PCDH15: variants seen among roughly 807,000 people sequenced by gnomAD.
The protein encoded by PCDH15 is protocadherin related 15.
In PCDH15, 129 loss-of-function variants were observed where a neutral mutation model predicts 178.5. The ratio of observed to expected loss-of-function variants is 0.72; its 90% CI spans 0.63 to 0.84. The LOEUF is 0.84. PCDH15 is among the 40% of genes least tolerant of loss of function. PCDH15 has a pLI of 0.00. For synonymous variants in PCDH15, 800 were observed against 732.0 expected (o/e 1.09, Z -1.50); for missense variants, 2,230 against 2,099.9 (o/e 1.06, Z -1.21).
In PCDH15 at chr10:55,415,072, G is replaced by A. The variant is rs868609598; in HGVS notation, c.-156+212553C>T. Among the ~76,000 whole-genome samples, 4 of 151,614 alleles carry A rather than the reference G, an allele frequency of 2.6e-5. No homozygotes were observed. In the Middle Eastern group the frequency reaches 0.01, roughly 387 times the overall value. On this transcript the variant is annotated intron_variant, in intron 2 of 5. Coordinates refer to the PCDH15 transcript ENST00000613346. ...GATGTTTATAAATGGCCTTTATTAA[G>A]GTGAGGGAGTTTCCTTTTGTGCCTA... is the stretch of plus-strand genomic sequence containing the variant.
chr10:54,553,700 A>G (rs1245354406), intron 2 of PCDH15, among the ~76,000 whole-genome samples: 3 of 152,128 alleles, frequency 2.0e-5, no homozygotes, highest in Non-Finnish European at 2.9e-5. Context: ...ACCTTAGGCA[A>G]ATGTTTCTTA....
intron 18 of PCDH15, among the ~76,000 whole-genome samples, chr10:54,027,353 T>C (rs1235224216): frequency 1.3e-5 from 2 of 151,818 alleles, no homozygotes; most frequent in Non-Finnish European, 2.9e-5. Flanking sequence ...ATCGTGAAAA[T>C]GGCCATACTG....
intron 2 of PCDH15, among the ~76,000 whole-genome samples, chr10:55,623,022 C>T (rs1177788238): frequency 5.9e-5 from 9 of 152,124 alleles, no homozygotes; most frequent in Admixed American, 1.3e-4. Flanking sequence ...CTGGATTCCG[C>T]CTCCTGTTTT....
At position 54,624,500 on chromosome 10, in the gene PCDH15, C is replaced by T. The variant is rs191559035; in HGVS notation, c.91+39672G>A. 4.1e-3 allele frequency among the ~76,000 whole-genome samples: 622 copies of T among 152,260 alleles called. 2 individuals are homozygous for T. The highest frequency in any genetic ancestry group is 0.014 in the African/African-American group (600 of 41,554). On this transcript the variant is annotated intron_variant, in intron 2 of 37. Coordinates refer to ENST00000644397, the MANE Select transcript of PCDH15 (RefSeq NM_001384140.1). ...ATACTGCAGTAGGGAAGAGAGACTT[C>T]AGTGGAAACTGGGTTCAGCTCTGAT...
At chr10:55,209,446 T>G (rs557709443) in intron 1 of PCDH15, among the ~76,000 whole-genome samples, 1 of 152,196 alleles carries the variant, frequency 6.6e-6, no homozygotes, top group East Asian at 1.9e-4. Context: ...GTAAGGAGGC[T>G]ATTGTACTGG....
intron 2 of PCDH15, among the ~76,000 whole-genome samples, chr10:55,044,095 A>T (rs1591855207): frequency 6.6e-6 from 1 of 152,272 alleles, no homozygotes; most frequent in South Asian, 2.1e-4. Context: ...CAACACCTGT[A>T]TAGTGATGGA....
intron 6 of PCDH15, among the ~76,000 whole-genome samples, chr10:54,339,606 CA>C (rs1941856783): frequency 6.6e-6 from 1 of 152,150 alleles, no homozygotes; most frequent in Admixed American, 6.5e-5. Flanking sequence ...AACAATAGTG[CA>C]GACTGACAAA....
intron 1 of PCDH15, among the ~76,000 whole-genome samples, chr10:54,703,270 C>T (rs1267900238): frequency 6.6e-6 from 1 of 152,020 alleles, no homozygotes; most frequent in Non-Finnish European, 1.5e-5. Flanking sequence ...CCGGAAATAT[C>T]ATACTGAATG....
At chr10:55,254,978 T>A (rs2132228097) in intron 1 of PCDH15, among the ~76,000 whole-genome samples, 1 of 152,194 alleles carries the variant, frequency 6.6e-6, no homozygotes, top group African/African-American at 2.4e-5. Flanking sequence ...ATACTTTAAG[T>A]TTTAGGGTAC....
At chr10:54,937,338 CT>C (rs1837933562) in intron 2 of PCDH15, among the ~76,000 whole-genome samples, 1 of 151,876 alleles carries the variant, frequency 6.6e-6, no homozygotes, top group African/African-American at 2.4e-5. Context: ...TTGCGAATTT[CT>C]GCAAGAACAA....
rs7900371 is a variant in PCDH15 at position 54,400,631 on chromosome 10, G to A, written c.158-21689C>T. 8.3e-3 allele frequency among the ~76,000 whole-genome samples: 1,262 copies of A among 152,046 alleles called. 17 individuals are homozygous for A. The highest frequency in any genetic ancestry group is 0.029 in the African/African-American group (1,194 of 41,462). On this transcript the variant is annotated intron_variant, in intron 3 of 37. Transcript: ENST00000644397. ...ATAATATGTACTCTTTCAGTGCCCTGGAAAAGACAATAGGAGCCTGATACA... is the reference window on the plus strand; with the variant it reads ...ATAATATGTACTCTTTCAGTGCCCTAGAAAAGACAATAGGAGCCTGATACA...
chr10:54,582,512 T>A (rs2091127042), intron 2 of PCDH15, among the ~76,000 whole-genome samples: 1 of 152,168 alleles, frequency 6.6e-6, no homozygotes, highest in African/African-American at 2.4e-5. Context: ...ATGTATTTTC[T>A]TGAGGAAATA....
At chr10:54,799,771 T>C (rs543648089) in intron 1 of PCDH15, among the ~76,000 whole-genome samples, 259 of 152,198 alleles carry the variant, frequency 1.7e-3, no homozygotes, top group African/African-American at 6.2e-3. Context: ...AAGACACACA[T>C]GTACAGATAC....
At chr10:54,343,099 G>A (rs1165430723) in intron 6 of PCDH15, among the ~76,000 whole-genome samples, 6 of 152,126 alleles carry the variant, frequency 3.9e-5, no homozygotes, top group Non-Finnish European at 8.8e-5. Flanking sequence ...TATTGAGAAG[G>A]CATGATTGGT....
chr10:54,125,525 G>A (rs1450227200), intron 15 of PCDH15, among the ~76,000 whole-genome samples: 1 of 152,200 alleles, frequency 6.6e-6, no homozygotes, highest in Admixed American at 6.5e-5. Flanking sequence ...GATGTACTTT[G>A]CTATTGAAGG....
chr10:54,190,547 C>A (rs1292508747), intron 11 of PCDH15, among the ~76,000 whole-genome samples: 1 of 152,128 alleles, frequency 6.6e-6, no homozygotes, highest in Non-Finnish European at 1.5e-5. Flanking sequence ...AGACTACAAG[C>A]ATGAACCACC....
chr10:53,808,499 C>T, intron 37 of PCDH15: 2 of 1,407,182 alleles, frequency 1.4e-6, no homozygotes, highest in South Asian at 1.7e-5. Flanking sequence ...GTCAGTTTTA[C>T]TCTAATACAG....
At chr10:55,366,642 G>A (rs188395074) in intron 2 of PCDH15, among the ~76,000 whole-genome samples, 16 of 152,136 alleles carry the variant, frequency 1.1e-4, no homozygotes, top group African/African-American at 3.4e-4. Flanking sequence ...CCATTTTTAG[G>A]ATGCATAGAC....
At chr10:53,999,867 AG>A (rs1186746337) in intron 20 of PCDH15, among the ~76,000 whole-genome samples, 1 of 152,156 alleles carries the variant, frequency 6.6e-6, no homozygotes, top group Non-Finnish European at 1.5e-5. Flanking sequence ...AGTGGTAGCC[AG>A]GGTGGTTACA....
Sources: allele counts gnomAD v4.1 joint callset (sites outside exome capture counted in the v4.1 genomes callset), GRCh38; gene constraint gnomAD v4.1.1; transcripts MANE v1.5; gene names NCBI Gene and HGNC (gene_info 2026-07-23, HGNC 2026-07-21).